CDKN2B-AS1: variants seen among roughly 807,000 people sequenced by gnomAD.
The protein encoded by CDKN2B-AS1 is CDKN2B and CDKN2A antisense cis and trans regulatory RNA 1.
intron 1 of CDKN2B-AS1, among the ~76,000 whole-genome samples, chr9:22,010,767 T>C (rs985719904): frequency 6.6e-6 from 1 of 152,236 alleles, no homozygotes; most frequent in Admixed American, 6.5e-5. Context: ...TTAATTTCTC[T>C]ACCTTTTACT....
At chr9:22,096,696 C>T (rs1289562015) in intron 4 of CDKN2B-AS1, among the ~76,000 whole-genome samples, 1 of 152,148 alleles carries the variant, frequency 6.6e-6, no homozygotes, top group African/African-American at 2.4e-5. Context: ...TGGCCCTGTC[C>T]CACTGGCATT....
intron 4 of CDKN2B-AS1, chr9:22,118,260 GGAGAGAGA>G (rs10627766): frequency 1.3e-5 from 2 of 150,562 alleles, no homozygotes; most frequent in South Asian, 4.2e-4. Context: ...GTGAAAATGG[GGAGAGAGA>G]GAGAGAGAGA....
intron 4 of CDKN2B-AS1, among the ~76,000 whole-genome samples, chr9:22,121,296 A>G (rs760173815): frequency 6.6e-6 from 1 of 152,080 alleles, no homozygotes; most frequent in Non-Finnish European, 1.5e-5. Context: ...AGGTTGCTCA[A>G]AAAGAAACAC....
At chr9:21,998,627 T>C (rs906240609) in intron 1 of CDKN2B-AS1, among the ~76,000 whole-genome samples, 8 of 152,340 alleles carry the variant, frequency 5.3e-5, no homozygotes, top group Non-Finnish European at 8.8e-5. Flanking sequence ...CCTGAGTTAA[T>C]TGAGTTTTTT....
At chr9:22,105,479 A>C (rs933592496) in intron 4 of CDKN2B-AS1, among the ~76,000 whole-genome samples, 1 of 152,170 alleles carries the variant, frequency 6.6e-6, no homozygotes, top group Admixed American at 6.6e-5. Flanking sequence ...CTCTTCATGA[A>C]TCTCTATTTT....
chr9:22,041,529 C>T (rs1822896774), intron 1 of CDKN2B-AS1, among the ~76,000 whole-genome samples: 1 of 152,012 alleles, frequency 6.6e-6, no homozygotes, highest in African/African-American at 2.4e-5. Flanking sequence ...TAAAAGGGAA[C>T]ATTAAACTTT....
intron 1 of CDKN2B-AS1, among the ~76,000 whole-genome samples, chr9:22,033,216 C>T (rs1822549383): frequency 6.7e-6 from 1 of 149,662 alleles, no homozygotes; most frequent in East Asian, 2.0e-4. Flanking sequence ...GTCCCTGGTG[C>T]CAAAAAGGTT....
At chr9:22,009,158 T>C in intron 1 of CDKN2B-AS1, 1 of 684,648 alleles carries the variant, frequency 1.5e-6, no homozygotes, top group Non-Finnish European at 2.5e-6. Flanking sequence ...CTCCGGGCTT[T>C]TCCTGGCGCT....
intron 4 of CDKN2B-AS1, among the ~76,000 whole-genome samples, chr9:22,103,657 G>T (rs1825564577): frequency 6.6e-6 from 1 of 152,164 alleles, no homozygotes; most frequent in African/African-American, 2.4e-5. Context: ...GTTATAAAAA[G>T]CATAGAGCCT....
intron 4 of CDKN2B-AS1, among the ~76,000 whole-genome samples, chr9:22,109,297 T>A (rs1159666329): frequency 6.6e-6 from 1 of 152,192 alleles, no homozygotes; most frequent in Non-Finnish European, 1.5e-5. Context: ...TTTATGAGCT[T>A]TTATTTAATT....
intron 1 of CDKN2B-AS1, among the ~76,000 whole-genome samples, chr9:22,016,547 A>G (rs1461755898): frequency 6.6e-6 from 1 of 152,190 alleles, no homozygotes; most frequent in Non-Finnish European, 1.5e-5. Flanking sequence ...ACTTCAAACT[A>G]TACTACAAGG....
At chr9:22,007,358 CA>C (rs3217977) in intron 1 of CDKN2B-AS1, among the ~76,000 whole-genome samples, 105,335 of 151,394 alleles carry the variant, frequency 0.7, 38,728 homozygotes, top group African/African-American at 0.92. Flanking sequence ...GGCCTCATCT[CA>C]AAAAAAATAA....
At chr9:22,104,012 A>G (rs773965259) in intron 4 of CDKN2B-AS1, among the ~76,000 whole-genome samples, 1 of 152,230 alleles carries the variant, frequency 6.6e-6, no homozygotes, top group Non-Finnish European at 1.5e-5. Context: ...AAAATGTAGA[A>G]TCTTCTCATC....
intron 1 of CDKN2B-AS1, chr9:22,029,669 C>T: frequency 2.0e-6 from 1 of 494,404 alleles, no homozygotes; most frequent in Non-Finnish European, 3.6e-6. Flanking sequence ...ATGTTCTCTT[C>T]CAAATTTAAT....
intron 4 of CDKN2B-AS1, chr9:22,065,751 A>C (rs180822583): frequency 2.0e-5 from 3 of 152,088 alleles, no homozygotes; most frequent in Non-Finnish European, 4.4e-5. Flanking sequence ...GCAGTACAAC[A>C]CTCCAGGTCA....
chr9:22,016,377 G>A (rs1244433896), intron 1 of CDKN2B-AS1, among the ~76,000 whole-genome samples: 1 of 152,140 alleles, frequency 6.6e-6, no homozygotes, highest in East Asian at 1.9e-4. Flanking sequence ...ACTGCCCAAG[G>A]TAATTTATAG....
Position 22,126,574 on chromosome 9 carries a change from C to CTTTTTTTTT in CDKN2B-AS1, n.439-516_439-508dup, listed in dbSNP as rs34700018. Among the ~76,000 whole-genome samples the CTTTTTTTTT allele has an allele frequency of 2.2e-3, 235 of 104,876 alleles. 20 individuals carry two copies. Among genetic ancestry groups the CTTTTTTTTT allele is most frequent in the African/African-American group, 8.6e-3 (217 of 25,250 alleles). The allele number at this position is 104,876 out of a possible 152,430, so 68.8% of individuals were successfully genotyped here. A position where few individuals can be genotyped will look rare whatever the true frequency, so the allele number is the denominator to read the frequency against. ...TGAATGGGGATGGAGTAAGTGGATT[C>CTTTTTTTTT]TTTTTTTTTTTTTTTTTTTTTGAGA... On this transcript the variant is annotated intron_variant and non_coding_transcript_variant, in intron 4 of 4. Coordinates refer to ENST00000650946, the Ensembl canonical transcript of CDKN2B-AS1.
chr9:22,049,824 C>G (rs1017336300), intron 3 of CDKN2B-AS1, among the ~76,000 whole-genome samples: 3 of 152,106 alleles, frequency 2.0e-5, no homozygotes, highest in South Asian at 2.1e-4. Context: ...ATCTGTAAAG[C>G]GTTTCATAGA....
intron 1 of CDKN2B-AS1, among the ~76,000 whole-genome samples, chr9:22,007,770 T>A (rs1821266306): frequency 6.6e-6 from 1 of 152,216 alleles, no homozygotes; most frequent in Non-Finnish European, 1.5e-5. Flanking sequence ...CAGAAAATGG[T>A]GAATTACATA....
Sources: gnomAD v4.1 joint callset for allele counts (sites outside exome capture counted in the v4.1 genomes callset) on GRCh38, gnomAD v4.1.1 for gene constraint, MANE v1.5 for transcripts, NCBI Gene and HGNC (gene_info 2026-07-23, HGNC 2026-07-21) for gene names.